ERC1: variants seen among roughly 807,000 people sequenced by gnomAD.
The protein encoded by ERC1 is RAB6 interacting protein 2.
Under a neutral mutation model 132.0 loss-of-function variants are expected in ERC1, and 56 were observed. The observed-to-expected ratio is 0.42, with a 90% CI of 0.34 to 0.53. ERC1 has a LOEUF of 0.53. ERC1 is among the 20% of genes least tolerant of loss of function. The pLI is 0.03. For synonymous variants in ERC1, 478 were observed against 476.1 expected, an observed-to-expected ratio of 1.00 and a Z score of -0.05; for missense variants, 1,202 against 1,349.9, an observed-to-expected ratio of 0.89 and a Z score of 1.72.
At chr12:1,120,965 A>G (rs548410896) in intron 7 of ERC1, among the ~76,000 whole-genome samples, 14 of 152,152 alleles carry the variant, frequency 9.2e-5, no homozygotes, top group Non-Finnish European at 1.5e-5. Context: ...TCAGCATACT[A>G]AGAGTTAGTA....
intron 13 of ERC1, among the ~76,000 whole-genome samples, chr12:1,244,313 C>T (rs2076020198): frequency 6.6e-6 from 1 of 152,052 alleles, no homozygotes; most frequent in South Asian, 2.1e-4. Context: ...TCATTTTTAT[C>T]ACAATGTTTT....
chr12:1,330,990 C>A (rs1012719), intron 15 of ERC1, among the ~76,000 whole-genome samples: 67,299 of 152,014 alleles, frequency 0.44, 15,597 homozygotes, highest in African/African-American at 0.56. Flanking sequence ...TAACTTTACT[C>A]ACATATTTGT....
intron 7 of ERC1, among the ~76,000 whole-genome samples, chr12:1,121,679 C>CTG (rs1353814647): frequency 1.3e-4 from 9 of 69,336 alleles, no homozygotes; most frequent in African/African-American, 3.3e-4. Context: ...CTATCTCTAT[C>CTG]TATCTCTATC....
intron 18 of ERC1, among the ~76,000 whole-genome samples, chr12:1,449,447 G>A (rs73597995): frequency 0.066 from 9,974 of 152,114 alleles, 1,081 homozygotes; most frequent in African/African-American, 0.23. Flanking sequence ...TAGAATCATG[G>A]AGGTTGTTAC....
intron 18 of ERC1, among the ~76,000 whole-genome samples, chr12:1,457,172 C>G (rs1282593791): frequency 2.0e-5 from 3 of 152,192 alleles, no homozygotes; most frequent in Non-Finnish European, 4.4e-5. Flanking sequence ...ACCAGACACC[C>G]TCGGTGTGTA....
intron 13 of ERC1, among the ~76,000 whole-genome samples, chr12:1,250,270 T>C (rs2076390660): frequency 6.6e-6 from 1 of 152,248 alleles, no homozygotes; most frequent in Non-Finnish European, 1.5e-5. Flanking sequence ...ATAAAGATTC[T>C]GCCTTCAAAT....
At chr12:1,222,857 TA>T (rs1374912163) in intron 12 of ERC1, among the ~76,000 whole-genome samples, 2 of 152,172 alleles carry the variant, frequency 1.3e-5, no homozygotes, top group African/African-American at 4.8e-5. Flanking sequence ...TAGGAAGGAG[TA>T]AGTTAAAGAC....
intron 3 of ERC1, among the ~76,000 whole-genome samples, chr12:1,097,361 T>A (rs1472363438): frequency 1.3e-5 from 2 of 152,232 alleles, no homozygotes. Flanking sequence ...CTTGATCCTT[T>A]CAAGACTTGC....
Position 1,210,222 on chromosome 12 carries a change from A to G in ERC1, c.2351+20170A>G, listed in dbSNP as rs115334774. Among the ~76,000 whole-genome samples the G allele has an allele frequency of 4.5e-3, 689 of 152,272 alleles. 6 individuals are homozygous for G. The highest frequency in any genetic ancestry group is 0.016 in the African/African-American group (646 of 41,550). ...TTCCAACCTCTAGTTTCTGTTGTCC[A>G]TGTATGTGGCTTTGAGGTCTCAGAA... On this transcript the variant is annotated intron_variant, in intron 12 of 18. Transcript: ENST00000360905.
chr12:1,037,961 G>T (rs566291499), intron 2 of ERC1, among the ~76,000 whole-genome samples: 1 of 151,526 alleles, frequency 6.6e-6, no homozygotes, highest in South Asian at 2.1e-4. Flanking sequence ...GGAGAATAGC[G>T]TGAACCCGGG....
intron 1 of ERC1, among the ~76,000 whole-genome samples, chr12:1,014,169 T>C (rs1354105469): frequency 6.6e-6 from 1 of 152,032 alleles, no homozygotes; most frequent in Non-Finnish European, 1.5e-5. Flanking sequence ...TAAAAAAATG[T>C]AAGTTTTTTT....
chr12:1,282,823 A>G (rs1566477782), intron 14 of ERC1, among the ~76,000 whole-genome samples: 1 of 152,202 alleles, frequency 6.6e-6, no homozygotes, highest in Non-Finnish European at 1.5e-5. Context: ...GGACTTCTCA[A>G]GTGACAATCT....
At chr12:1,034,347 A>G (rs942600138) in intron 2 of ERC1, among the ~76,000 whole-genome samples, 2 of 152,152 alleles carry the variant, frequency 1.3e-5, no homozygotes, top group African/African-American at 4.8e-5. Context: ...AGGCTGAGGC[A>G]GGAGAATCCC....
chr12:1,108,048 C>T lies in ERC1; in HGVS notation c.1162-2144C>T, dbSNP rs74057018. Among the ~76,000 whole-genome samples the T allele has an allele frequency of 9.2e-3, 1,406 of 152,240 alleles. 20 individuals carry two copies. The highest frequency in any genetic ancestry group is 0.031 in the African/African-American group (1,277 of 41,526). On this transcript the variant is annotated intron_variant, in intron 4 of 18. Transcript: ENST00000360905. The stretch of plus-strand genomic sequence containing the variant: ...GGAATAAGAAACCTGGTTGGAATGA[C>T]TTTCCTTAAACCCAGCATTGGTACC...
intron 8 of ERC1, among the ~76,000 whole-genome samples, chr12:1,163,059 ATAC>A (rs1423381635): frequency 6.6e-6 from 1 of 152,228 alleles, no homozygotes; most frequent in Non-Finnish European, 1.5e-5. Context: ...CTAAGGAAAT[ATAC>A]TCTGTGTAAA....
At chr12:990,161 G>A (rs1416706340), upstream of ERC1, 1 of 152,102 alleles carries the variant, frequency 6.6e-6, no homozygotes, top group Non-Finnish European at 1.5e-5. Flanking sequence ...AGTATAAAGT[G>A]GTTAATTACG....
chr12:1,129,341 CAAA>C (rs1948528600), intron 7 of ERC1, among the ~76,000 whole-genome samples: 1 of 141,758 alleles, frequency 7.1e-6, no homozygotes, highest in South Asian at 2.5e-4. Flanking sequence ...ACAACAACAA[CAAA>C]AAACTAACCA....
At chr12:1,243,925 A>G (rs1258445008) in intron 13 of ERC1, among the ~76,000 whole-genome samples, 2 of 152,188 alleles carry the variant, frequency 1.3e-5, no homozygotes, top group African/African-American at 2.4e-5. Flanking sequence ...GGCCATATTT[A>G]TATTTTTTTC....
At chr12:1,012,281 T>A (rs1964808017) in intron 1 of ERC1, among the ~76,000 whole-genome samples, 1 of 152,162 alleles carries the variant, frequency 6.6e-6, no homozygotes, top group African/African-American at 2.4e-5. Flanking sequence ...GTTCCTATAA[T>A]TTTTCACTTA....
Sources: allele counts gnomAD v4.1 joint callset (sites outside exome capture counted in the v4.1 genomes callset), GRCh38; gene constraint gnomAD v4.1.1; transcripts MANE v1.5; gene names NCBI Gene and HGNC (gene_info 2026-07-23, HGNC 2026-07-21).